Variants in SUSD1 observed in about 807,000 individuals in gnomAD.
SUSD1 encodes sushi domain containing 1.
SUSD1 carries 65 observed loss-of-function variants against 86.9 expected under a neutral mutation model. That is an observed-to-expected ratio of 0.75 (90% CI 0.61 to 0.92). SUSD1 has a LOEUF of 0.92. Ranked by LOEUF, SUSD1 falls within the 40% of genes least tolerant of loss-of-function variation. SUSD1 has a pLI of 0.00. For missense variants in SUSD1, 850 were observed against 929.7 expected, an observed-to-expected ratio of 0.91 and a Z score of 1.11; for synonymous variants, 346 against 350.0, an observed-to-expected ratio of 0.99 and a Z score of 0.13.
chr9:112,143,054 G>A (rs771937325), intron 4 of SUSD1, among the ~76,000 whole-genome samples: 20 of 123,516 alleles, frequency 1.6e-4, no homozygotes, highest in South Asian at 2.7e-4. Context: ...GCATGATCTC[G>A]GCTCATTGCA....
intron 2 of SUSD1, among the ~76,000 whole-genome samples, chr9:112,153,715 G>C (rs1833169764): frequency 6.6e-6 from 1 of 151,138 alleles, no homozygotes; most frequent in African/African-American, 2.4e-5. Context: ...CTGGGTTCAA[G>C]CAATTCTCCT....
At chr9:112,083,262 CTGTTT>C (rs1829842157) in intron 10 of SUSD1, among the ~76,000 whole-genome samples, 1 of 152,054 alleles carries the variant, frequency 6.6e-6, no homozygotes, top group Non-Finnish European at 1.5e-5. Context: ...TAGTCTCTCT[CTGTTT>C]CCCAGGCTGG....
chr9:112,153,188 G>A (rs1437444755), intron 2 of SUSD1, among the ~76,000 whole-genome samples: 1 of 151,658 alleles, frequency 6.6e-6, no homozygotes, highest in Non-Finnish European at 1.5e-5. Context: ...GATCACTTGA[G>A]CCCAGGAGGC....
intron 5 of SUSD1, among the ~76,000 whole-genome samples, chr9:112,131,805 G>T (rs1344196464): frequency 6.6e-6 from 1 of 152,206 alleles, no homozygotes; most frequent in Non-Finnish European, 1.5e-5. Flanking sequence ...ACGTTATTAA[G>T]TAACAACGTT....
intron 10 of SUSD1, among the ~76,000 whole-genome samples, chr9:112,085,323 T>C (rs1829932343): frequency 6.6e-6 from 1 of 152,216 alleles, no homozygotes; most frequent in Admixed American, 6.5e-5. Context: ...AGAAAGTAAA[T>C]GTAAGTAATA....
intron 6 of SUSD1, among the ~76,000 whole-genome samples, chr9:112,114,498 A>G (rs1831232614): frequency 6.6e-6 from 1 of 152,122 alleles, no homozygotes; most frequent in Non-Finnish European, 1.5e-5. Context: ...CAAAAACAAA[A>G]ACAAACAAAC....
chr9:112,153,903 C>T (rs1833178141), intron 2 of SUSD1, among the ~76,000 whole-genome samples: 1 of 152,072 alleles, frequency 6.6e-6, no homozygotes, highest in Admixed American at 6.6e-5. Flanking sequence ...CATGACCCAC[C>T]ATGCCTGGCC....
chr9:112,127,404 T>G (rs1564318692), intron 5 of SUSD1, among the ~76,000 whole-genome samples: 3 of 151,984 alleles, frequency 2.0e-5, no homozygotes, highest in Admixed American at 2.0e-4. Context: ...GTTCCAACTC[T>G]GAAATTCTAT....
chr9:112,143,729 T>C lies in SUSD1; in HGVS notation c.374-106A>G. ...TTTTTTCACATTTTCAAGCTACTCT[T>C]GTAAAAAGATGCATTTGTTTGCAAT... On this transcript the variant is annotated intron_variant, in intron 3 of 16. Transcript: ENST00000374270. 3 of 1,119,056 alleles carry C rather than the reference T, an allele frequency of 2.7e-6. No homozygotes were observed. The African/African-American group carries it at 4.7e-5, about 18-fold the overall frequency. 69.3% of individuals were successfully genotyped at this position (1,119,056 alleles called of 1,614,324 possible).
intron 1 of SUSD1, chr9:112,169,159 C>T (rs971460912): frequency 6.6e-6 from 1 of 152,008 alleles, no homozygotes; most frequent in Non-Finnish European, 1.5e-5. Flanking sequence ...CTTTTAAATC[C>T]CTCCAAGACA....
chr9:112,041,545 T>C lies in SUSD1; in HGVS notation c.*-53A>G, dbSNP rs558224949. Reference sequence around the variant, plus strand: ...GACAAATATGAACACACTTTGGTTTTCCCACTGTGCATCTCTATGCACAGC... The same window carrying C: ...GACAAATATGAACACACTTTGGTTTCCCCACTGTGCATCTCTATGCACAGC... On this transcript the variant is annotated intron_variant, in intron 16 of 16. Transcript: ENST00000374270. The C allele has an allele frequency of 1.7e-5, 13 of 780,660 alleles. No individual in the cohort carries two copies. In the East Asian group the frequency reaches 3.2e-4, roughly 19 times the overall value. The allele number at this position is 780,660 out of a possible 1,614,324, so 48.4% of individuals were successfully genotyped here.
At chr9:112,148,002 A>G (rs1832879555) in intron 3 of SUSD1, among the ~76,000 whole-genome samples, 1 of 152,238 alleles carries the variant, frequency 6.6e-6, no homozygotes, top group Admixed American at 6.5e-5. Flanking sequence ...GAATAAATCA[A>G]ATGTATCCTT....
At chr9:112,064,039 C>CT (rs1297631906) in intron 12 of SUSD1, among the ~76,000 whole-genome samples, 14 of 52,770 alleles carry the variant, frequency 2.7e-4, no homozygotes, top group South Asian at 1.5e-3. Context: ...ATTTTTCTTT[C>CT]TTTTTTTGGG....
At position 112,150,188 on chromosome 9, in the gene SUSD1, C is replaced by T. The variant is rs574597389; in HGVS notation, c.218-789G>A. 8.5e-5 allele frequency among the ~76,000 whole-genome samples: 13 copies of T among 152,340 alleles called. No homozygotes were observed. The East Asian group carries it at 2.3e-3, about 27-fold the overall frequency. Reference sequence around the variant, plus strand: ...ACAACAGGTAAACTACCAAGCAATGCTACGTACCAGTAAAACTCCACCTAC... The same window carrying T: ...ACAACAGGTAAACTACCAAGCAATGTTACGTACCAGTAAAACTCCACCTAC... On this transcript the variant is annotated intron_variant, in intron 2 of 16. Transcript: ENST00000374270.
intron 1 of SUSD1, among the ~76,000 whole-genome samples, chr9:112,166,797 C>T (rs1030569001): frequency 3.3e-5 from 5 of 152,074 alleles, no homozygotes. Context: ...CATGTAGTAA[C>T]CGAGGGAATG....
intron 5 of SUSD1, among the ~76,000 whole-genome samples, chr9:112,132,726 T>G (rs755257005): frequency 6.6e-6 from 1 of 152,258 alleles, no homozygotes; most frequent in African/African-American, 2.4e-5. Flanking sequence ...GCTTATACCC[T>G]GTATTTTTAA....
At chr9:112,139,298 A>G (rs775813601) in intron 5 of SUSD1, among the ~76,000 whole-genome samples, 3 of 152,224 alleles carry the variant, frequency 2.0e-5, no homozygotes, top group Non-Finnish European at 2.9e-5. Flanking sequence ...AATTTCACTT[A>G]TGAATATCAA....
At chr9:112,052,476 G>C in intron 14 of SUSD1, 38 bp from the exon 15 acceptor site, 1 of 1,611,522 alleles carries the variant, frequency 6.2e-7, no homozygotes, top group African/African-American at 1.3e-5. Context: ...TAGCTAGGTG[G>C]CACACAGTGT....
rs1827731167 is a variant in SUSD1, at chr9:112,041,472, C to T, written c.*20G>A. 2 of 781,092 alleles carry T rather than the reference C, an allele frequency of 2.6e-6. No individual in the cohort carries two copies. The highest frequency in any genetic ancestry group is 4.8e-6 in the Non-Finnish European group (2 of 418,122). 48.4% of individuals were successfully genotyped at this position (781,092 alleles called of 1,614,324 possible). A position where few individuals can be genotyped will look rare whatever the true frequency, so the allele number is the denominator to read the frequency against. ...CTGCCCAGCAGCAGTGCATCCTCCC[C>T]ACTCAGTGTCCATCTGCCATCTAGA... On this transcript the variant is annotated 3_prime_UTR_variant, in exon 17 of 17. Transcript: ENST00000374270.
Sources: gnomAD v4.1 joint callset for allele counts (sites outside exome capture counted in the v4.1 genomes callset) on GRCh38, gnomAD v4.1.1 for gene constraint, MANE v1.5 for transcripts, NCBI Gene and HGNC (gene_info 2026-07-23, HGNC 2026-07-21) for gene names.